Variants in ETS1 observed in about 807,000 individuals in gnomAD.
ETS1 encodes the protein protein C-ets-1.
ETS1 carries 15 observed loss-of-function variants against 58.6 expected under a neutral mutation model. That is an observed-to-expected ratio of 0.26 (90% CI 0.17 to 0.39). The LOEUF (loss-of-function observed/expected upper bound fraction) is 0.39, where lower values mean the gene tolerates loss of function less well. ETS1 is among the 10% of genes least tolerant of loss of function. The pLI, the probability that ETS1 is intolerant of heterozygous loss-of-function variation, is 1.00. For missense variants in ETS1, 417 were observed against 610.5 expected (o/e 0.68, Z 3.34); for synonymous variants, 214 against 218.2 (o/e 0.98, Z 0.17).
intron 7 of ETS1, among the ~76,000 whole-genome samples, chr11:128,481,506 A>G (rs1301137719): frequency 6.6e-6 from 1 of 152,198 alleles, no homozygotes; most frequent in Non-Finnish European, 1.5e-5. Context: ...TTTTATATGC[A>G]ACTTTCAGAT....
In ETS1 at chr11:128,463,679, G is replaced by C; in HGVS notation, c.1124-52C>G. On this transcript the variant is annotated intron_variant, in intron 8 of 9. Transcript: ENST00000392668. The surrounding 1 kb of genome is among the most constrained non-coding windows in gnomAD (Gnocchi z 4.1). The stretch of plus-strand genomic sequence containing the variant: ...TTACACCAGATATTCAGCACTCTAC[G>C]CAGCTAATCCCCACACACGGCACTC... 1.0e-6 allele frequency: 1 copy of C among 1,004,734 alleles called. No homozygotes were observed. The highest frequency in any genetic ancestry group is 1.6e-6 in the Non-Finnish European group (1 of 628,050). 62.2% of individuals were successfully genotyped at this position (1,004,734 alleles called of 1,614,324 possible).
Position 128,585,348 on chromosome 11 carries a change from C to CAAGG in ETS1, c.-15+2136_-15+2139dup, listed in dbSNP as rs973321049. Among the ~76,000 whole-genome samples the CAAGG allele has an allele frequency of 5.7e-4, 64 of 113,188 alleles. 4 individuals are homozygous for CAAGG. In the South Asian group the frequency reaches 0.013, roughly 23 times the overall value. The allele number at this position is 113,188 out of a possible 152,430, so 74.3% of individuals were successfully genotyped here. On this transcript the variant is annotated intron_variant, in intron 1 of 9. Transcript: ENST00000392668. ...GGAAGGAAGCAAGGAAGGAAGGAAG[C>CAAGG]AAGGAAGGAAGGAAGGGTCCCAGCT...
At position 128,482,180 on chromosome 11, in the gene ETS1, T is replaced by C. The variant is rs78343217; in HGVS notation, c.863-1729A>G. On this transcript the variant is annotated intron_variant, in intron 7 of 9. Transcript: ENST00000392668. ...TCTTTTTCACCTTTTTAGAGATCAT[T>C]TAATTTTCTTTCAAGAAATTCACAC... Among the ~76,000 whole-genome samples, 476 of 152,310 alleles carry C rather than the reference T, an allele frequency of 3.1e-3. 3 individuals are homozygous for C. The highest frequency in any genetic ancestry group is 0.011 in the African/African-American group (454 of 41,568).
chr11:128,473,573 G>A (rs2135427531), intron 8 of ETS1, among the ~76,000 whole-genome samples: 1 of 152,184 alleles, frequency 6.6e-6, no homozygotes, highest in African/African-American at 2.4e-5. Flanking sequence ...GCCCCTGAAT[G>A]TTGCCCTTGG....
chr11:128,551,830 G>A (rs1864234096), intron 3 of ETS1, among the ~76,000 whole-genome samples: 1 of 152,096 alleles, frequency 6.6e-6, no homozygotes, highest in African/African-American at 2.4e-5. Context: ...CTAAGTGACG[G>A]CACTGTTTTA....
rs1861970618 is a variant in ETS1 at position 128,464,095 on chromosome 11, GC to G, written c.1124-469del. 6.6e-6 allele frequency: 1 copy of G among 152,334 alleles called. No homozygotes were observed. Among genetic ancestry groups the G allele is most frequent in the Non-Finnish European group, 1.5e-5 (1 of 68,264 alleles). 9.4% of individuals were successfully genotyped at this position (152,334 alleles called of 1,614,324 possible). On this transcript the variant is annotated intron_variant, in intron 8 of 9. Transcript: ENST00000392668. The surrounding 1 kb of genome is among the most constrained non-coding windows in gnomAD (Gnocchi z 4.1). ...ACTGCTCTGTAGTAGGGAGCCTGTG[GC>G]CCCTGATTTGTGAGTAAGAAGGATC...
chr11:128,500,923 T>C (rs1863072689), intron 3 of ETS1, among the ~76,000 whole-genome samples: 1 of 152,218 alleles, frequency 6.6e-6, no homozygotes, highest in African/African-American at 2.4e-5. Flanking sequence ...CCCCATCCTT[T>C]TTGAGCTACA....
At chr11:128,527,160 T>C in intron 3 of ETS1, 1 of 339,676 alleles carries the variant, frequency 2.9e-6, no homozygotes, top group Non-Finnish European at 5.8e-6. Context: ...TTTGGGCAAA[T>C]ACATTGCAGG....
chr11:128,580,571 A>T lies in ETS1; in HGVS notation c.-15+6917T>A, dbSNP rs138828738. 3.3e-5 allele frequency among the ~76,000 whole-genome samples: 5 copies of T among 152,362 alleles called. No individual in the cohort carries two copies. In the South Asian group the frequency reaches 6.2e-4, roughly 19 times the overall value. On this transcript the variant is annotated intron_variant, in intron 1 of 9. Coordinates refer to ENST00000392668, the MANE Select transcript of ETS1 (RefSeq NM_001143820.2). ...GAACTGAAGATGGTTTTTCTGTCTC[A>T]CTACTAAATCTACAAGAACCTCATT...
chr11:128,473,714 G>T (rs916428298), intron 8 of ETS1, among the ~76,000 whole-genome samples: 1 of 152,216 alleles, frequency 6.6e-6, no homozygotes, highest in Non-Finnish European at 1.5e-5. Flanking sequence ...GTCACCTTAG[G>T]GAGACAGGAA....
At chr11:128,582,016 AT>A (rs2135595558) in intron 1 of ETS1, among the ~76,000 whole-genome samples, 1 of 152,284 alleles carries the variant, frequency 6.6e-6, no homozygotes. Context: ...GTGGAGTTTC[AT>A]TTGTTTTATT....
At chr11:128,560,982 A>G (rs142610391) in intron 2 of ETS1, among the ~76,000 whole-genome samples, 1 of 152,188 alleles carries the variant, frequency 6.6e-6, no homozygotes, top group Admixed American at 6.5e-5. Context: ...AGAGGAAGAT[A>G]ATCCATCCAA....
chr11:128,521,717 T>TA (rs1490234578), intron 3 of ETS1, among the ~76,000 whole-genome samples: 2 of 152,172 alleles, frequency 1.3e-5, no homozygotes, highest in Non-Finnish European at 2.9e-5. Context: ...ACCAAGGGTC[T>TA]AGGGCCACCA....
At chr11:128,490,407 T>A in intron 4 of ETS1, 50 bp downstream of exon 4, 1 of 1,604,318 alleles carries the variant, frequency 6.2e-7, no homozygotes, top group South Asian at 1.1e-5. Context: ...AAATGTGTCT[T>A]CCCAAAGGGT....
rs1862445452 is a variant in ETS1, at chr11:128,480,277, C to T, written c.1037G>A (p.Gly346Asp). The T allele has an allele frequency of 1.2e-6, 2 of 1,613,940 alleles. No individual in the cohort carries two copies. Among genetic ancestry groups the T allele is most frequent in the Admixed American group, 3.3e-5 (2 of 59,980 alleles). ...GTCCCGCACATAGTCCTTGAAGGTG[C>T]CCTTGGGCTTGTGGTTGGGCAGGGC... ...PAALPNHKPK[G>D]TFKDYVRDRA... Residue 346 changes from glycine to aspartate, a missense_variant, in exon 8 of 10, where the codon GGC becomes GAC. By Grantham distance (94) the Gly-to-Asp change is moderately conservative. This residue lies in a region of ETS1 where 139 missense variants were observed against 152.1 expected (regional missense o/e 0.91). Transcript: ENST00000392668.
chr11:128,507,575 G>A (rs1721457325), intron 3 of ETS1, among the ~76,000 whole-genome samples: 1 of 152,132 alleles, frequency 6.6e-6, no homozygotes, highest in Non-Finnish European at 1.5e-5. Context: ...ATCAACCATT[G>A]CAATCAGCAA....
chr11:128,583,041 A>C (rs1864906714), intron 1 of ETS1, among the ~76,000 whole-genome samples: 1 of 152,018 alleles, frequency 6.6e-6, no homozygotes, highest in East Asian at 1.9e-4. Flanking sequence ...TCACCCGGGG[A>C]TCCTGTTACA....
At chr11:128,485,423 A>C (rs61307141) in intron 6 of ETS1, among the ~76,000 whole-genome samples, 22,746 of 152,186 alleles carry the variant, frequency 0.15, 1,919 homozygotes, top group Middle Eastern at 0.27. Context: ...GTGTCACTGG[A>C]ATAAAAATTG....
At chr11:128,560,036 G>T (rs2135561705) in intron 2 of ETS1, among the ~76,000 whole-genome samples, 1 of 152,034 alleles carries the variant, frequency 6.6e-6, no homozygotes, top group Middle Eastern at 3.4e-3. Flanking sequence ...CATCCCACAG[G>T]TGATTGCCGA....
Sources: allele counts gnomAD v4.1 joint callset (sites outside exome capture counted in the v4.1 genomes callset), GRCh38; gene constraint gnomAD v4.1.1; regional missense constraint gnomAD v4.1.1; non-coding constraint Gnocchi (gnomAD v3.1); transcripts MANE v1.5; gene names NCBI Gene and HGNC (gene_info 2026-07-23, HGNC 2026-07-21).